RHBDD1: variants seen among roughly 807,000 people sequenced by gnomAD.
RHBDD1 encodes rhomboid domain containing 1.
RHBDD1 carries 38 observed loss-of-function variants against 36.3 expected under a neutral mutation model. That is an observed-to-expected ratio of 1.05 (90% CI 0.81 to 1.37). The LOEUF (loss-of-function observed/expected upper bound fraction) is 1.37. Among genes scored for constraint, RHBDD1 ranks in the 40% most tolerant of loss-of-function variants. RHBDD1 has a pLI of 0.00. For synonymous variants in RHBDD1, 151 were observed against 136.5 expected, an observed-to-expected ratio of 1.11 and a Z score of -0.74; for missense variants, 393 against 377.6, an observed-to-expected ratio of 1.04 and a Z score of -0.34.
chr2:226,927,267 T>C (rs753636636), intron 8 of RHBDD1, among the ~76,000 whole-genome samples: 46 of 152,170 alleles, frequency 3.0e-4, no homozygotes, highest in Non-Finnish European at 5.7e-4. Context: ...TCTCTTTCTA[T>C]TAACTATATT....
intron 5 of RHBDD1, among the ~76,000 whole-genome samples, chr2:226,878,103 C>CT (rs1279734846): frequency 1.3e-5 from 2 of 152,218 alleles, no homozygotes; most frequent in Non-Finnish European, 2.9e-5. Context: ...GCTTTAAACT[C>CT]TGATGCTACC....
intron 8 of RHBDD1, among the ~76,000 whole-genome samples, chr2:226,939,967 C>T (rs760193907): frequency 5.3e-5 from 8 of 151,792 alleles, no homozygotes; most frequent in Non-Finnish European, 1.0e-4. Flanking sequence ...AGACTGTGTA[C>T]ACCTACAACT....
chr2:226,963,468 A>G (rs1262790534), intron 8 of RHBDD1, among the ~76,000 whole-genome samples: 4 of 152,126 alleles, frequency 2.6e-5, no homozygotes, highest in Non-Finnish European at 4.4e-5. Flanking sequence ...CTTCATATTC[A>G]TGGATTTAAC....
intron 6 of RHBDD1, chr2:226,907,138 T>A (rs1231238269): frequency 3.7e-6 from 2 of 539,346 alleles, no homozygotes; most frequent in Non-Finnish European, 6.7e-6. Flanking sequence ...CCCTCAACCT[T>A]AATGCTACCC....
chr2:226,949,598 A>G (rs916366163), intron 8 of RHBDD1, among the ~76,000 whole-genome samples: 2 of 152,286 alleles, frequency 1.3e-5, no homozygotes, highest in African/African-American at 4.8e-5. Flanking sequence ...AGGACATAAT[A>G]ATAGTGATAT....
At chr2:226,935,538 A>G (rs1390184351) in intron 8 of RHBDD1, 2 of 152,146 alleles carry the variant, frequency 1.3e-5, no homozygotes, top group African/African-American at 2.4e-5. Flanking sequence ...AGAAAAAACG[A>G]TGGGAATTTC....
At chr2:226,866,543 A>G (rs2125249222) in intron 4 of RHBDD1, among the ~76,000 whole-genome samples, 1 of 152,256 alleles carries the variant, frequency 6.6e-6, no homozygotes, top group East Asian at 1.9e-4. Context: ...CAGTCTACAG[A>G]TTAGCTGTGT....
the RHBDD1 span, among the ~76,000 whole-genome samples, chr2:226,811,269 C>G: frequency 1.4e-4 from 22 of 151,892 alleles, no homozygotes; most frequent in African/African-American, 4.6e-4. Context: ...TTTAGTCATG[C>G]AGGTGGGGAA....
chr2:226,971,655 A>G (rs1953527503), intron 8 of RHBDD1, among the ~76,000 whole-genome samples: 1 of 152,230 alleles, frequency 6.6e-6, no homozygotes, highest in African/African-American at 2.4e-5. Context: ...GGCTACTAAC[A>G]TTCAAATATT....
intron 8 of RHBDD1, among the ~76,000 whole-genome samples, chr2:226,948,231 G>A (rs1179460224): frequency 6.8e-6 from 1 of 147,228 alleles, no homozygotes; most frequent in Non-Finnish European, 1.5e-5. Flanking sequence ...GGAATACTAT[G>A]CAGCCATAAA....
At chr2:226,828,673 A>G in the RHBDD1 span, among the ~76,000 whole-genome samples, 1 of 152,170 alleles carries the variant, frequency 6.6e-6, no homozygotes, top group African/African-American at 2.4e-5. Flanking sequence ...GATGCTGAGA[A>G]TATTTTCATA....
intron 8 of RHBDD1, among the ~76,000 whole-genome samples, chr2:226,922,576 T>A (rs923157620): frequency 2.0e-5 from 3 of 152,170 alleles, no homozygotes; most frequent in African/African-American, 7.2e-5. Context: ...GGACCTTATA[T>A]TCATTCTATT....
chr2:226,960,402 G>C (rs1952107472), intron 8 of RHBDD1, among the ~76,000 whole-genome samples: 2 of 152,166 alleles, frequency 1.3e-5, no homozygotes, highest in African/African-American at 4.8e-5. Context: ...CTGTGCATAA[G>C]AGAATTTCAC....
chr2:226,922,317 C>T (rs1949379784), intron 8 of RHBDD1, among the ~76,000 whole-genome samples: 2 of 149,634 alleles, frequency 1.3e-5, no homozygotes, highest in South Asian at 2.1e-4. Flanking sequence ...ACGCCATTCT[C>T]CTGCCTCAGC....
chr2:226,966,335 T>C (rs1225770397), intron 8 of RHBDD1, among the ~76,000 whole-genome samples: 1 of 152,174 alleles, frequency 6.6e-6, no homozygotes, highest in Non-Finnish European at 1.5e-5. Context: ...CTGCCTATGG[T>C]ACCTAACTAT....
At chr2:226,921,424 A>G (rs1949306287) in intron 8 of RHBDD1, among the ~76,000 whole-genome samples, 1 of 151,758 alleles carries the variant, frequency 6.6e-6, no homozygotes, top group African/African-American at 2.4e-5. Context: ...AAGATGAATC[A>G]TTATGTTATT....
chr2:226,949,325 CA>C (rs1280337774), intron 8 of RHBDD1, among the ~76,000 whole-genome samples: 4 of 152,120 alleles, frequency 2.6e-5, no homozygotes, highest in East Asian at 1.9e-4. Context: ...CAATCCTAAG[CA>C]AAAATCTGGG....
At chr2:226,818,152 ATTTTT>A in the RHBDD1 span, among the ~76,000 whole-genome samples, 1,080 of 86,240 alleles carry the variant, frequency 0.013, 13 homozygotes, top group African/African-American at 0.046. Flanking sequence ...TCCAAACAGT[ATTTTT>A]TTTTTTTTTT....
intron 8 of RHBDD1, among the ~76,000 whole-genome samples, chr2:226,973,928 G>T (rs1011716475): frequency 1.3e-5 from 2 of 152,116 alleles, no homozygotes; most frequent in Admixed American, 1.3e-4. Flanking sequence ...CTTTTCGTTC[G>T]CATGGGCTCT....
Sources: allele counts gnomAD v4.1 joint callset (sites outside exome capture counted in the v4.1 genomes callset), GRCh38; gene constraint gnomAD v4.1.1; transcripts MANE v1.5; gene names NCBI Gene and HGNC (gene_info 2026-07-23, HGNC 2026-07-21).